The following ZEB2 variants were observed in gnomAD, a reference collection of about 807,000 sequenced individuals.
ZEB2 encodes the protein zinc finger E-box binding homeobox 2, also known as zinc finger E-box-binding homeobox 2.
Under a neutral mutation model 99.9 loss-of-function variants are expected in ZEB2, and 6 were observed. That is an observed-to-expected ratio of 0.06 (90% CI 0.03 to 0.12). ZEB2 has a LOEUF of 0.12. Ranked by LOEUF, ZEB2 falls within the 10% of genes least tolerant of loss-of-function variation. ZEB2 has a pLI of 1.00. For missense variants in ZEB2, 969 were observed against 1,502.8 expected (o/e 0.64, Z 5.87); for synonymous variants, 517 against 542.5 (o/e 0.95, Z 0.65).
intron 9 of ZEB2, among the ~76,000 whole-genome samples, chr2:144,393,060 G>A (rs183850012): frequency 4.6e-5 from 7 of 152,300 alleles, no homozygotes; most frequent in Admixed American, 4.6e-4. Flanking sequence ...TGTCTCAACA[G>A]AGAAAGCACT....
At chr2:144,473,724 T>A (rs777623596) in intron 2 of ZEB2, among the ~76,000 whole-genome samples, 14 of 151,940 alleles carry the variant, frequency 9.2e-5, no homozygotes, top group Non-Finnish European at 1.3e-4. Context: ...TGCAGGGAAA[T>A]TGAACATGTA....
rs529220318 is a variant in ZEB2 at position 144,398,638 on chromosome 2, G to A, written c.2549C>T (p.Ser850Phe). 3.1e-6 allele frequency: 5 copies of A among 1,614,114 alleles called. No homozygotes were observed. The African/African-American group carries it at 6.7e-5, about 22-fold the overall frequency. ...SSISLDHNSVSSSSENSDEPL... is the reference protein window; with the variant it reads ...SSISLDHNSVFSSSENSDEPL... ...CTCATCTGAGTTTTCAGATGAGGAAGAAACACTGTTATGATCTAAACTGAT... is the reference window on the plus strand; with the variant it reads ...CTCATCTGAGTTTTCAGATGAGGAAAAAACACTGTTATGATCTAAACTGAT... Residue 850 changes from serine to phenylalanine, a missense_variant, in exon 8 of 10, where the codon TCT becomes TTT. Physicochemically the swap from Ser to Phe is radical, Grantham distance 155. Around this residue, in one of 8 missense-constraint regions of ZEB2, gnomAD observed 346 missense variants for 460.0 expected, o/e 0.75. Transcript: ENST00000627532.
chr2:144,484,610 A>G (rs777596490), intron 2 of ZEB2, among the ~76,000 whole-genome samples: 6 of 152,070 alleles, frequency 3.9e-5, no homozygotes, highest in Non-Finnish European at 8.8e-5. Flanking sequence ...GTGAAGCTAA[A>G]GGTGGTGAAG....
chr2:144,453,946 A>G (rs1240896591), intron 2 of ZEB2, among the ~76,000 whole-genome samples: 1 of 152,236 alleles, frequency 6.6e-6, no homozygotes, highest in Non-Finnish European at 1.5e-5. Context: ...AGTCTTGATG[A>G]CAGCGCAATG....
rs1390867371 is a variant in ZEB2 at position 144,386,859 on chromosome 2, C to T, written c.*2592G>A. The T allele has an allele frequency of 6.6e-6, 1 of 151,874 alleles. No individual in the cohort carries two copies. The highest frequency in any genetic ancestry group is 6.6e-5 in the Admixed American group (1 of 15,256). 9.4% of individuals were successfully genotyped at this position (151,874 alleles called of 1,614,324 possible). On this transcript the variant is annotated 3_prime_UTR_variant, in exon 10 of 10. Transcript: ENST00000627532. ...ACGAGGATAGAATTTTCTAAACTTTCCAAATATAAAAACTCTAGGCTGTGG... is the reference window on the plus strand; with the variant it reads ...ACGAGGATAGAATTTTCTAAACTTTTCAAATATAAAAACTCTAGGCTGTGG...
intron 4 of ZEB2, among the ~76,000 whole-genome samples, chr2:144,413,382 C>T (rs1703491038): frequency 6.6e-6 from 1 of 152,216 alleles, no homozygotes; most frequent in Non-Finnish European, 1.5e-5. Context: ...AAGATAGCTG[C>T]TCCTAATCGC....
At chr2:144,500,883 G>A (rs961849445) in intron 2 of ZEB2, among the ~76,000 whole-genome samples, 3 of 152,138 alleles carry the variant, frequency 2.0e-5, no homozygotes, top group African/African-American at 7.2e-5. Flanking sequence ...GATTGCTCCC[G>A]ACACCCAGGC....
Position 144,458,165 on chromosome 2 carries a change from AACC to A in ZEB2, c.74-28142_74-28140del, listed in dbSNP as rs908366819. On this transcript the variant is annotated intron_variant, in intron 2 of 9. Transcript: ENST00000627532. ...ACACACACAAACACACACACACCCCAACCACCACCACCACCACACAACTTCACA... is the reference window on the plus strand; with the variant it reads ...ACACACACAAACACACACACACCCCAACCACCACCACCACACAACTTCACA... Among the ~76,000 whole-genome samples, 125 of 151,708 alleles carry A rather than the reference AACC, an allele frequency of 8.2e-4. 1 individual carries two copies. The highest frequency in any genetic ancestry group is 3.0e-3 in the African/African-American group (124 of 41,420).
intron 2 of ZEB2, chr2:144,513,254 A>C (rs1346237823): frequency 7.8e-7 from 1 of 1,288,126 alleles, no homozygotes; most frequent in Admixed American, 2.3e-5. Flanking sequence ...GTGAGGGCTT[A>C]TTTTAAACAG....
chr2:144,460,006 CG>C (rs1704170379), intron 2 of ZEB2, among the ~76,000 whole-genome samples: 1 of 152,084 alleles, frequency 6.6e-6, no homozygotes, highest in Non-Finnish European at 1.5e-5. Flanking sequence ...GGTTACCCTC[CG>C]AGCCAACAGG....
intron 2 of ZEB2, chr2:144,450,217 C>A (rs1339216892): frequency 6.6e-6 from 1 of 151,892 alleles, no homozygotes; most frequent in Non-Finnish European, 1.5e-5. Flanking sequence ...TATAGAAGAA[C>A]TTGTCATAGC....
At chr2:144,507,073 T>A (rs1388622451) in intron 2 of ZEB2, among the ~76,000 whole-genome samples, 1 of 152,184 alleles carries the variant, frequency 6.6e-6, no homozygotes, top group Admixed American at 6.5e-5. Context: ...ATATTTGTGA[T>A]ATATAAAGGT....
At chr2:144,442,099 T>C (rs1703925697) in intron 2 of ZEB2, among the ~76,000 whole-genome samples, 1 of 152,176 alleles carries the variant, frequency 6.6e-6, no homozygotes, top group Admixed American at 6.5e-5. Context: ...TCCTTGATGA[T>C]AAACAACGAC....
intron 2 of ZEB2, among the ~76,000 whole-genome samples, chr2:144,460,033 C>T (rs1335699190): frequency 6.6e-6 from 1 of 152,098 alleles, no homozygotes; most frequent in Non-Finnish European, 1.5e-5. Flanking sequence ...TTAAGGTTGG[C>T]CAGGGCTGCA....
intron 2 of ZEB2, among the ~76,000 whole-genome samples, chr2:144,433,584 T>C (rs189654695): frequency 1.6e-4 from 24 of 152,306 alleles, no homozygotes; most frequent in African/African-American, 5.5e-4. Flanking sequence ...TTATAGCAAA[T>C]GGGCCTGGAA....
At chr2:144,502,370 G>C (rs1312177525) in intron 2 of ZEB2, among the ~76,000 whole-genome samples, 1 of 152,010 alleles carries the variant, frequency 6.6e-6, no homozygotes, top group Non-Finnish European at 1.5e-5. Flanking sequence ...AATAATGCTT[G>C]TTTGGAAGTT....
At chr2:144,393,588 A>G (rs1038342503) in intron 9 of ZEB2, among the ~76,000 whole-genome samples, 13 of 152,236 alleles carry the variant, frequency 8.5e-5, no homozygotes, top group African/African-American at 3.1e-4. Context: ...GTGGGATAGG[A>G]ACTATCCCAC....
chr2:144,402,463 T>C (rs1451505247), intron 6 of ZEB2, among the ~76,000 whole-genome samples: 1 of 152,150 alleles, frequency 6.6e-6, no homozygotes, highest in Non-Finnish European at 1.5e-5. Flanking sequence ...CCAGCGCTCA[T>C]ATGTTGCTGA....
chr2:144,435,463 G>A (rs958878162), intron 2 of ZEB2, among the ~76,000 whole-genome samples: 1 of 151,972 alleles, frequency 6.6e-6, no homozygotes, highest in African/African-American at 2.4e-5. Context: ...GTCAGGTATG[G>A]TGTTGCATGC....
Sources: gnomAD v4.1 joint callset for allele counts (sites outside exome capture counted in the v4.1 genomes callset) on GRCh38, gnomAD v4.1.1 for gene constraint, gnomAD v4.1.1 regional missense constraint, MANE v1.5 for transcripts, NCBI Gene and HGNC (gene_info 2026-07-23, HGNC 2026-07-21) for gene names.